DENND4C: variants seen among roughly 807,000 people sequenced by gnomAD.
DENND4C encodes DENN domain containing 4C.
Under a neutral mutation model 203.0 loss-of-function variants are expected in DENND4C, and 108 were observed. The ratio of observed to expected loss-of-function variants is 0.53; its 90% CI spans 0.46 to 0.62. DENND4C has a LOEUF of 0.62. Ranked by LOEUF, DENND4C falls within the 20% of genes least tolerant of loss-of-function variation. The pLI is 0.00. For missense variants in DENND4C, 2,481 were observed against 2,301.2 expected, an observed-to-expected ratio of 1.08 and a Z score of -1.60; for synonymous variants, 871 against 792.4, an observed-to-expected ratio of 1.10 and a Z score of -1.67.
intron 23 of DENND4C, 48 bp from the exon 24 acceptor site, chr9:19,350,654 G>A (rs1823884884): frequency 1.3e-6 from 2 of 1,511,238 alleles, no homozygotes; most frequent in East Asian, 4.5e-5. Flanking sequence ...TAATCCCACT[G>A]GAGAAGGTAT....
At chr9:19,257,947 A>T (rs1474809880) in intron 1 of DENND4C, among the ~76,000 whole-genome samples, 2 of 152,058 alleles carry the variant, frequency 1.3e-5, no homozygotes, top group Non-Finnish European at 2.9e-5. Context: ...ACATGGTGAG[A>T]CCTCATCTCC....
At chr9:19,283,856 A>C (rs887902691) in intron 2 of DENND4C, among the ~76,000 whole-genome samples, 3 of 151,902 alleles carry the variant, frequency 2.0e-5, no homozygotes, top group African/African-American at 7.3e-5. Flanking sequence ...CTGTCTCCCA[A>C]AGTGCTGGGA....
At chr9:19,276,978 A>G (rs1443969236) in intron 2 of DENND4C, among the ~76,000 whole-genome samples, 3 of 151,950 alleles carry the variant, frequency 2.0e-5, no homozygotes, top group Non-Finnish European at 2.9e-5. Flanking sequence ...TTCATGAAGT[A>G]TCTAGTATCT....
At chr9:19,272,007 G>C (rs749290470) in intron 1 of DENND4C, among the ~76,000 whole-genome samples, 21 of 152,194 alleles carry the variant, frequency 1.4e-4, no homozygotes, top group African/African-American at 5.1e-4. Flanking sequence ...TAGATCAATG[G>C]AACAGAATAA....
intron 29 of DENND4C, 65 bp from the exon 30 acceptor site, chr9:19,361,781 C>A: frequency 1.0e-6 from 1 of 963,414 alleles, no homozygotes; most frequent in Non-Finnish European, 1.6e-6. Context: ...TATAATCAAG[C>A]TTCACTAGAT....
At chr9:19,323,932 A>G (rs920546258) in intron 12 of DENND4C, among the ~76,000 whole-genome samples, 11 of 152,218 alleles carry the variant, frequency 7.2e-5, no homozygotes, top group Admixed American at 5.9e-4. Flanking sequence ...ATGCTGCAGA[A>G]TCTGAAACTT....
intron 30 of DENND4C, among the ~76,000 whole-genome samples, chr9:19,365,588 G>A (rs1428423329): frequency 6.6e-6 from 1 of 151,516 alleles, no homozygotes; most frequent in East Asian, 1.9e-4. Flanking sequence ...AAAAAAGTAA[G>A]TGTATCTATA....
At chr9:19,308,415 T>C (rs1840103125) in intron 10 of DENND4C, among the ~76,000 whole-genome samples, 1 of 152,232 alleles carries the variant, frequency 6.6e-6, no homozygotes, top group Admixed American at 6.5e-5. Context: ...TTTCCTTTAT[T>C]AGTAGCAAAT....
chr9:19,328,107 C>G lies in DENND4C; in HGVS notation c.2198C>G (p.Pro733Arg), dbSNP rs770127278. The G allele has an allele frequency of 1.2e-6, 2 of 1,613,410 alleles. No homozygotes were observed. The highest frequency in any genetic ancestry group is 1.7e-6 in the Non-Finnish European group (2 of 1,179,820). Residue 733 changes from proline to arginine, a missense_variant, in exon 16 of 33, where the codon CCT becomes CGT. Physicochemically the swap from Pro to Arg is moderately radical, Grantham distance 103. Coordinates refer to ENST00000434457, the MANE Select transcript of DENND4C (RefSeq NM_001330640.2). ...TTGAAACTTTGTTTTAGTAGACACC[C>G]TACTGGGAATAGCATTACAAAGAGT... is the stretch of plus-strand genomic sequence containing the variant. ...QELKLCFSRH[P>R]TGNSITKSPP...
chr9:19,328,005 A>G (rs1422185103), intron 15 of DENND4C, 25 bp from the exon 16 acceptor site: 14 of 1,570,864 alleles, frequency 8.9e-6, no homozygotes, highest in Non-Finnish European at 1.1e-5. Flanking sequence ...TTAAATCAGC[A>G]GTTCTATTTT....
intron 2 of DENND4C, among the ~76,000 whole-genome samples, chr9:19,281,083 C>G (rs1377958013): frequency 6.6e-6 from 1 of 152,132 alleles, no homozygotes; most frequent in East Asian, 1.9e-4. Context: ...CCACCTGCCA[C>G]CCCTCCCATA....
At chr9:19,268,786 A>T (rs750532096) in intron 1 of DENND4C, among the ~76,000 whole-genome samples, 1 of 151,980 alleles carries the variant, frequency 6.6e-6, no homozygotes, top group African/African-American at 2.4e-5. Context: ...TAAAGTTTCT[A>T]CTGAGAAGTG....
intron 2 of DENND4C, among the ~76,000 whole-genome samples, chr9:19,286,373 A>G (rs971549059): frequency 6.6e-6 from 1 of 152,194 alleles, no homozygotes; most frequent in Non-Finnish European, 1.5e-5. Flanking sequence ...AAGCTAAAAA[A>G]TTGACAAATT....
intron 1 of DENND4C, among the ~76,000 whole-genome samples, chr9:19,256,210 A>C (rs556813502): frequency 1.8e-3 from 270 of 152,250 alleles, no homozygotes; most frequent in Non-Finnish European, 3.2e-3. Flanking sequence ...AGTAACAGAA[A>C]GATTCTTGGA....
intron 10 of DENND4C, among the ~76,000 whole-genome samples, chr9:19,307,115 T>C (rs1375128465): frequency 6.6e-6 from 1 of 152,066 alleles, no homozygotes; most frequent in African/African-American, 2.4e-5. Context: ...TTATAAAATG[T>C]GCCCAGGTGT....
intron 1 of DENND4C, among the ~76,000 whole-genome samples, chr9:19,271,179 T>A (rs1005371886): frequency 1.3e-5 from 2 of 151,498 alleles, no homozygotes; most frequent in Admixed American, 6.6e-5. Context: ...GCTTTTTTTT[T>A]AGGTAAAAAT....
At chr9:19,237,108 C>T (rs1215583095) in intron 1 of DENND4C, among the ~76,000 whole-genome samples, 2 of 152,180 alleles carry the variant, frequency 1.3e-5, no homozygotes, top group Non-Finnish European at 2.9e-5. Flanking sequence ...GCAGCCTCCA[C>T]CTCCTCGGTT....
chr9:19,246,508 T>C (rs570119671), intron 1 of DENND4C, among the ~76,000 whole-genome samples: 1 of 152,242 alleles, frequency 6.6e-6, no homozygotes, highest in South Asian at 2.1e-4. Flanking sequence ...CTTCCCAAAG[T>C]GTTGGGATTG....
At position 19,357,026 on chromosome 9, in the gene DENND4C, A is replaced by G. The variant is rs752301912; in HGVS notation, c.4836A>G (p.Pro1612=). The change falls in exon 27 of 33, where the codon CCA becomes CCG. Residue 1612 remains proline (P), a synonymous_variant. Coordinates refer to ENST00000434457, the MANE Select transcript of DENND4C (RefSeq NM_001330640.2). ...SGDSLQSGSI[P]LANESLEHKP... ...ACAGTTTACAAAGTGGAAGCATTCC[A>G]TTGGCAAATGAATCCTTGGAGCACA... 13 of 1,613,838 alleles carry G rather than the reference A, an allele frequency of 8.1e-6. No individual in the cohort carries two copies. Among genetic ancestry groups the G allele is most frequent in the Non-Finnish European group, 7.6e-6 (9 of 1,179,910 alleles).
Sources: gnomAD v4.1 joint callset for allele counts (sites outside exome capture counted in the v4.1 genomes callset) on GRCh38, gnomAD v4.1.1 for gene constraint, MANE v1.5 for transcripts, NCBI Gene and HGNC (gene_info 2026-07-23, HGNC 2026-07-21) for gene names.